The following SPATA13 variants were observed in gnomAD, a reference collection of about 807,000 sequenced individuals.
The protein encoded by SPATA13 is spermatogenesis associated 13.
Under a neutral mutation model 104.0 loss-of-function variants are expected in SPATA13, and 50 were observed. That is an observed-to-expected ratio of 0.48 (90% CI 0.38 to 0.61). The LOEUF is 0.61. SPATA13 is among the 20% of genes least tolerant of loss of function. The pLI is 0.00. For synonymous variants in SPATA13, 606 were observed against 667.5 expected, an observed-to-expected ratio of 0.91 and a Z score of 1.42; for missense variants, 1,524 against 1,690.6, an observed-to-expected ratio of 0.90 and a Z score of 1.73.
intron 1 of SPATA13, among the ~76,000 whole-genome samples, chr13:24,184,342 A>G (rs1488510357): frequency 6.6e-6 from 1 of 152,144 alleles, no homozygotes; most frequent in African/African-American, 2.4e-5. Flanking sequence ...TACTTATTGT[A>G]CCCAAAACTG....
chr13:24,036,680 A>G (rs1302799745), intron 3 of SPATA13, among the ~76,000 whole-genome samples: 2 of 152,144 alleles, frequency 1.3e-5, no homozygotes, highest in Non-Finnish European at 2.9e-5. Context: ...CTGTGAGATC[A>G]TAGACAAATT....
intron 1 of SPATA13, among the ~76,000 whole-genome samples, chr13:24,198,423 G>A (rs1183352935): frequency 6.6e-6 from 1 of 152,162 alleles, no homozygotes; most frequent in Non-Finnish European, 1.5e-5. Flanking sequence ...GTACACATGT[G>A]TTTTGCTGGA....
chr13:24,177,015 T>C (rs1301999789), intron 1 of SPATA13, among the ~76,000 whole-genome samples: 1 of 152,198 alleles, frequency 6.6e-6, no homozygotes, highest in Non-Finnish European at 1.5e-5. Context: ...TCCACCAGCC[T>C]TGGCCTCCCA....
At position 24,129,827 on chromosome 13, in the gene SPATA13, G is replaced by C. The variant is rs569267525; in HGVS notation, c.-111-92992G>C. 2.0e-5 allele frequency among the ~76,000 whole-genome samples: 3 copies of C among 152,364 alleles called. No homozygotes were observed. The South Asian group carries it at 6.2e-4, about 32-fold the overall frequency. On this transcript the variant is annotated intron_variant, in intron 3 of 14. Transcript: ENST00000424834. The stretch of plus-strand genomic sequence containing the variant: ...CTGTATGGTGAGTGCTGTTGTGCCT[G>C]TTGTCCGTGTCCCCTGGGCTGAAGC...
rs79971353 is a variant in SPATA13, at chr13:24,269,924, G to A, written c.2165-14211G>A. 4.8e-4 allele frequency among the ~76,000 whole-genome samples: 72 copies of A among 150,930 alleles called. No homozygotes were observed. In the East Asian group the frequency reaches 0.013, roughly 27 times the overall value. ...TTTTTTAGAGATAGGGTCTTGCTATGTTGCCCAGACTGGTCATGAATTCCT... is the reference window on the plus strand; with the variant it reads ...TTTTTTAGAGATAGGGTCTTGCTATATTGCCCAGACTGGTCATGAATTCCT... On this transcript the variant is annotated intron_variant, in intron 4 of 12. Transcript: ENST00000382108.
rs1237815541 is a variant in SPATA13 at position 24,223,766 on chromosome 13, G to A, written c.837G>A (p.Thr279=). The A allele has an allele frequency of 1.9e-6, 3 of 1,551,760 alleles. No homozygotes were observed. Among genetic ancestry groups the A allele is most frequent in the African/African-American group, 1.4e-5 (1 of 73,058 alleles). Residue 279 remains threonine (T), a synonymous_variant, in exon 2 of 13, where the codon ACG becomes ACA. Transcript: ENST00000382108. ...KSTSNLADLR[T]AHDARVPQRT... ...CCTCCAATCTTGCAGACCTCAGGAC[G>A]GCCCATGACGCACGGGTACCACAGA...
At chr13:24,138,553 T>TATA (rs1881648943) in intron 3 of SPATA13, among the ~76,000 whole-genome samples, 1 of 152,112 alleles carries the variant, frequency 6.6e-6, no homozygotes, top group Non-Finnish European at 1.5e-5. Flanking sequence ...ATTTAATAGT[T>TATA]ATAATTTTTT....
chr13:24,032,305 A>G (rs138932298), intron 3 of SPATA13, among the ~76,000 whole-genome samples: 53 of 152,226 alleles, frequency 3.5e-4, no homozygotes, highest in African/African-American at 1.2e-3. Context: ...TCTCTCCCCT[A>G]TGGCAATACC....
rs112096528 is a variant in SPATA13, at chr13:24,198,240, C to G, written c.-111-24579C>G. Among the ~76,000 whole-genome samples, 13 of 152,126 alleles carry G rather than the reference C, an allele frequency of 8.5e-5. No individual in the cohort carries two copies. In the East Asian group the frequency reaches 9.7e-4, roughly 11 times the overall value. On this transcript the variant is annotated intron_variant, in intron 1 of 12. Transcript: ENST00000382108. Reference sequence around the variant, plus strand: ...GAACTCCTGACCTTGTGATCTGCCCCCCTTGGCCTCCCAAAGTGCTGAGAT... The same window carrying G: ...GAACTCCTGACCTTGTGATCTGCCCGCCTTGGCCTCCCAAAGTGCTGAGAT...
At chr13:24,241,430 A>G (rs1160102745) in intron 2 of SPATA13, among the ~76,000 whole-genome samples, 1 of 152,254 alleles carries the variant, frequency 6.6e-6, no homozygotes. Context: ...GTGAGACGGC[A>G]TTACTCAGCG....
intron 10 of SPATA13, among the ~76,000 whole-genome samples, chr13:24,295,979 A>G (rs1345255861): frequency 1.3e-5 from 2 of 152,130 alleles, no homozygotes; most frequent in African/African-American, 4.8e-5. Flanking sequence ...ACTGTGCTCT[A>G]CCGCCATTAA....
rs1379873511 is a variant in SPATA13 at position 24,304,003 on chromosome 13, C to G, written c.*1230C>G. 2.0e-5 allele frequency: 3 copies of G among 152,224 alleles called. No individual in the cohort carries two copies. Among genetic ancestry groups the G allele is most frequent in the African/African-American group, 7.2e-5 (3 of 41,460 alleles). The allele number at this position is 152,224 out of a possible 1,614,324, so 9.4% of individuals were successfully genotyped here. A position where few individuals can be genotyped will look rare whatever the true frequency, so the allele number is the denominator to read the frequency against. On this transcript the variant is annotated 3_prime_UTR_variant, in exon 13 of 13. Transcript: ENST00000382108. ...ATGATACAGTGAATATGAAAATGCA[C>G]TGGTCAGAAGGCACTCTCAAAGAGC...
At chr13:24,136,316 A>T (rs907540504) in intron 3 of SPATA13, among the ~76,000 whole-genome samples, 5 of 152,096 alleles carry the variant, frequency 3.3e-5, no homozygotes, top group Non-Finnish European at 7.4e-5. Context: ...ATCTCTACTA[A>T]AAATACAAAA....
chr13:24,289,290 C>A, intron 8 of SPATA13, 112 bp downstream of exon 8: 1 of 859,638 alleles, frequency 1.2e-6, no homozygotes, highest in Non-Finnish European at 1.8e-6. Flanking sequence ...CTAGATGAAT[C>A]TTCCATAGAA....
chr13:24,062,174 T>C (rs1878793551), intron 3 of SPATA13, among the ~76,000 whole-genome samples: 1 of 152,348 alleles, frequency 6.6e-6, no homozygotes, highest in East Asian at 1.9e-4. Flanking sequence ...TGCTCTACTG[T>C]GACCTCTGGT....
chr13:24,053,603 A>G (rs1485490651), intron 3 of SPATA13, among the ~76,000 whole-genome samples: 3 of 151,924 alleles, frequency 2.0e-5, no homozygotes, highest in Admixed American at 2.0e-4. Context: ...ATTTTTCTCT[A>G]TGGCCACTAG....
Position 24,123,338 on chromosome 13 carries a change from C to T in SPATA13, c.-111-99481C>T, listed in dbSNP as rs2137826794. 5 of 1,361,472 alleles carry T rather than the reference C, an allele frequency of 3.7e-6. No homozygotes were observed. The South Asian group carries it at 4.7e-5, about 13-fold the overall frequency. 84.3% of individuals were successfully genotyped at this position (1,361,472 alleles called of 1,614,324 possible). On this transcript the variant is annotated intron_variant, in intron 3 of 14. Transcript: ENST00000424834. Reference sequence around the variant, plus strand: ...TTTGAAGGTTCTGATCACTTTCGAACTTCACTTCACAGAAATAGTGAATTA... The same window carrying T: ...TTTGAAGGTTCTGATCACTTTCGAATTTCACTTCACAGAAATAGTGAATTA...
Position 24,297,718 on chromosome 13 carries a change from A to C in SPATA13, c.3566A>C (p.Gln1189Pro). Reference sequence around the variant, plus strand: ...TGTGCAGATGAAAGGAGGCGGGTGCAAGAGGACAAGGAGATGGGTGAGCAG... The same window carrying C: ...TGTGCAGATGAAAGGAGGCGGGTGCCAGAGGACAAGGAGATGGGTGAGCAG... ...QACADERRRV[Q>P]EDKEMGMEIS... The change falls in exon 11 of 13, where the codon CAA (glutamine) becomes CCA (proline). Residue 1189 changes from glutamine to proline, a missense_variant. Physicochemically the swap from Gln to Pro is moderately conservative, Grantham distance 76. Coordinates refer to ENST00000382108, the MANE Select transcript of SPATA13 (RefSeq NM_001166271.3). 1 of 1,612,350 alleles carries C rather than the reference A, an allele frequency of 6.2e-7. No homozygotes were observed. The highest frequency in any genetic ancestry group is 8.5e-7 in the Non-Finnish European group (1 of 1,178,808).
At chr13:23,990,046 A>C (rs1022870665) in intron 2 of SPATA13, among the ~76,000 whole-genome samples, 4 of 152,154 alleles carry the variant, frequency 2.6e-5, no homozygotes, top group Non-Finnish European at 5.9e-5. Flanking sequence ...CAGCAGCCCA[A>C]ACAGAGTAAG....
Sources: gnomAD v4.1 joint callset for allele counts (sites outside exome capture counted in the v4.1 genomes callset) on GRCh38, gnomAD v4.1.1 for gene constraint, MANE v1.5 for transcripts, NCBI Gene and HGNC (gene_info 2026-07-23, HGNC 2026-07-21) for gene names.